Variants in SYCP2L observed in about 807,000 individuals in gnomAD.
The protein encoded by SYCP2L is synaptonemal complex protein 2 like, also known as synaptonemal complex protein 2-like.
Under a neutral mutation model 125.8 loss-of-function variants are expected in SYCP2L, and 98 were observed. That is an observed-to-expected ratio of 0.78 (90% confidence interval 0.66 to 0.92). The LOEUF (loss-of-function observed/expected upper bound fraction) is 0.92. Ranked by LOEUF, SYCP2L falls within the 40% of genes least tolerant of loss-of-function variation. The pLI is 0.00. For synonymous variants in SYCP2L, 317 were observed against 325.4 expected, an observed-to-expected ratio of 0.97 and a Z score of 0.28; for missense variants, 842 against 936.4, an observed-to-expected ratio of 0.90 and a Z score of 1.32.
At chr6:10,905,893 AT>A in intron 8 of SYCP2L, 126 bp from the exon 9 acceptor site, 1 of 622,578 alleles carries the variant, frequency 1.6e-6, no homozygotes, top group Non-Finnish European at 2.8e-6. Context: ...CATTAAGGAA[AT>A]TTTGATGCTG....
At chr6:10,906,205 A>G (rs1466828426) in intron 9 of SYCP2L, 151 bp downstream of exon 9, 6 of 514,342 alleles carry the variant, frequency 1.2e-5, no homozygotes, top group African/African-American at 3.8e-5. Context: ...AGATTTTAGC[A>G]TGCTGGAAAC....
At chr6:10,942,648 C>T (rs370383804) in intron 22 of SYCP2L, 29 bp from the exon 23 acceptor site, 297 of 1,611,218 alleles carry the variant, frequency 1.8e-4, no homozygotes, top group Middle Eastern at 3.3e-4. Context: ...CCATAAAGGA[C>T]GTAATTTGTG....
chr6:10,920,485 G>A (rs940525605), intron 14 of SYCP2L, among the ~76,000 whole-genome samples: 2 of 152,190 alleles, frequency 1.3e-5, no homozygotes, highest in Non-Finnish European at 2.9e-5. Context: ...CCAAAGTGCT[G>A]AGATTACAGG....
chr6:10,892,525 C>A (rs181449483), intron 2 of SYCP2L, among the ~76,000 whole-genome samples: 1 of 152,310 alleles, frequency 6.6e-6, no homozygotes, highest in East Asian at 1.9e-4. Flanking sequence ...TGTCAAACTT[C>A]TGGGCTTAAG....
rs1009802143 is a variant in SYCP2L at position 10,912,809 on chromosome 6, CT to C, written c.1011+50del. The C allele has an allele frequency of 2.5e-6, 4 of 1,607,968 alleles. No individual in the cohort carries two copies. The African/African-American group carries it at 4.0e-5, about 16-fold the overall frequency. ...TGGTTAGAACTAAGCCTTTAGAGAT[CT>C]TTTTTATGTAAGTATGTGTTTTGCA... On this transcript the variant is annotated intron_variant, in intron 13 of 29. Coordinates refer to ENST00000283141, the MANE Select transcript of SYCP2L (RefSeq NM_001040274.3). The surrounding 1 kb of genome is among the most constrained non-coding windows in gnomAD (Gnocchi z 4.1).
rs374011756 is a variant in SYCP2L, at chr6:10,912,759, T to C, written c.1005T>C (p.Asn335=). 1.2e-5 allele frequency: 19 copies of C among 1,613,358 alleles called. No homozygotes were observed. The highest frequency in any genetic ancestry group is 1.6e-5 in the Non-Finnish European group (19 of 1,179,502). ...AGAGTGTCACTTTTTATATAGACAA[T>C]GCTGAGGTAATGATGTTCGATTCTT... ...GSQSVTFYID[N]AENTLWDSVT... is the part of the protein sequence containing the mutation. Residue 335 remains asparagine, a synonymous_variant, in exon 13 of 30, where the codon AAT becomes AAC. Coordinates refer to ENST00000283141, the MANE Select transcript of SYCP2L (RefSeq NM_001040274.3). The surrounding 1 kb of genome is among the most constrained non-coding windows in gnomAD (Gnocchi z 4.1).
intron 29 of SYCP2L, among the ~76,000 whole-genome samples, chr6:10,971,666 A>G (rs1408125214): frequency 6.6e-6 from 1 of 150,414 alleles, no homozygotes; most frequent in East Asian, 2.0e-4. Flanking sequence ...ATATTTACAC[A>G]TGTATACTTA....
intron 20 of SYCP2L, among the ~76,000 whole-genome samples, chr6:10,934,800 A>G (rs1287001869): frequency 6.6e-6 from 1 of 152,200 alleles, no homozygotes; most frequent in Admixed American, 6.5e-5. Context: ...CTGATTTCCA[A>G]GGATTCATGA....
At chr6:10,914,314 A>G (rs1581823933) in intron 14 of SYCP2L, among the ~76,000 whole-genome samples, 1 of 152,134 alleles carries the variant, frequency 6.6e-6, no homozygotes, top group Non-Finnish European at 1.5e-5. Flanking sequence ...TGTTTGCTGT[A>G]TGTATTTGGG....
At chr6:10,896,979 A>G (rs1018343376) in intron 4 of SYCP2L, among the ~76,000 whole-genome samples, 5 of 152,122 alleles carry the variant, frequency 3.3e-5, no homozygotes, top group Non-Finnish European at 5.9e-5. Context: ...TTCGTCAGAA[A>G]CTCATGTGAC....
intron 23 of SYCP2L, among the ~76,000 whole-genome samples, chr6:10,947,165 G>C (rs1382936562): frequency 2.0e-5 from 3 of 151,888 alleles, no homozygotes; most frequent in Non-Finnish European, 2.9e-5. Context: ...AGGTCCTTTT[G>C]TGTAGTTCCT....
At position 10,898,875 on chromosome 6, in the gene SYCP2L, G is replaced by T. The variant is rs1479470548; in HGVS notation, c.466+27G>T. ...TAAGTATATTATTGGCTACTAATTG[G>T]CTATTAATTTTTCATTAATAGAATA... On this transcript the variant is annotated intron_variant, in intron 6 of 29. Coordinates refer to ENST00000283141, the MANE Select transcript of SYCP2L (RefSeq NM_001040274.3). 7.7e-6 allele frequency: 10 copies of T among 1,307,012 alleles called. No homozygotes were observed. The East Asian group carries it at 2.3e-4, about 31-fold the overall frequency. The allele number at this position is 1,307,012 out of a possible 1,614,324, so 81.0% of individuals were successfully genotyped here.
At chr6:10,967,085 T>G (rs550221708) in intron 29 of SYCP2L, among the ~76,000 whole-genome samples, 22 of 152,226 alleles carry the variant, frequency 1.4e-4, no homozygotes, top group Admixed American at 1.3e-3. Flanking sequence ...TTTGAAAACT[T>G]AGATGAAATG....
chr6:10,941,568 T>C (rs1266076218), intron 21 of SYCP2L, among the ~76,000 whole-genome samples: 1 of 152,196 alleles, frequency 6.6e-6, no homozygotes, highest in Non-Finnish European at 1.5e-5. Context: ...TCACTGGCCA[T>C]CAGAGAAATG....
At chr6:10,956,567 C>T (rs530277960) in intron 25 of SYCP2L, among the ~76,000 whole-genome samples, 6 of 152,202 alleles carry the variant, frequency 3.9e-5, no homozygotes, top group South Asian at 4.2e-4. Context: ...CTACCACCCC[C>T]CAAGAAGGTA....
chr6:10,946,528 T>C (rs1446702419), intron 23 of SYCP2L, among the ~76,000 whole-genome samples: 1 of 152,178 alleles, frequency 6.6e-6, no homozygotes, highest in East Asian at 1.9e-4. Flanking sequence ...ATTTTAAAAC[T>C]TGAGGTTGAA....
At chr6:10,918,456 T>G (rs1381555409) in intron 14 of SYCP2L, among the ~76,000 whole-genome samples, 2 of 152,146 alleles carry the variant, frequency 1.3e-5, no homozygotes, top group Non-Finnish European at 2.9e-5. Context: ...TTGGAGACTT[T>G]GTTCGTATTT....
intron 19 of SYCP2L, among the ~76,000 whole-genome samples, chr6:10,931,186 C>T (rs780071341): frequency 1.1e-4 from 16 of 152,112 alleles, no homozygotes; most frequent in Non-Finnish European, 1.9e-4. Flanking sequence ...AAACAAACTA[C>T]AAGGACACAA....
chr6:10,961,715 A>G (rs570211760), intron 28 of SYCP2L, among the ~76,000 whole-genome samples, 157 bp downstream of exon 28: 11 of 152,350 alleles, frequency 7.2e-5, no homozygotes, highest in African/African-American at 2.6e-4. Flanking sequence ...CCCTGAGGAC[A>G]GAGTGCGGCT....
Sources: allele counts gnomAD v4.1 joint callset (sites outside exome capture counted in the v4.1 genomes callset), GRCh38; gene constraint gnomAD v4.1.1; non-coding constraint Gnocchi (gnomAD v3.1); transcripts MANE v1.5; gene names NCBI Gene and HGNC (gene_info 2026-07-23, HGNC 2026-07-21).